Variants in ZNF778 observed in about 807,000 individuals in gnomAD.
ZNF778 encodes zinc finger protein 778.
Under a neutral mutation model 23.9 loss-of-function variants are expected in ZNF778, and 37 were observed. The ratio of observed to expected loss-of-function variants is 1.54; its 90% CI spans 1.19 to 2.03. The LOEUF (loss-of-function observed/expected upper bound fraction) is 2.03, where lower values mean the gene tolerates loss of function less well. ZNF778 is among the 30% of genes most tolerant of loss of function. ZNF778 has a pLI of 0.00. For synonymous variants in ZNF778, 483 were observed against 343.9 expected (o/e 1.40, Z -4.48); for missense variants, 1,297 against 934.4 (o/e 1.39, Z -5.06).
rs138019792 is a variant in ZNF778, at chr16:89,227,013, C to T, written c.725C>T (p.Ala242Val). The T allele has an allele frequency of 1.1e-4, 175 of 1,613,966 alleles. No individual in the cohort carries two copies. The African/African-American group carries it at 1.8e-3, about 17-fold the overall frequency. ...EVFLNQSYLQARAGSHNGEET... is the reference protein window; with the variant it reads ...EVFLNQSYLQVRAGSHNGEET... ...TTCCTTAATCAGTCATACCTTCAGG[C>T]ACGTGCGGGAAGTCACAACGGAGAA... Residue 242 changes from alanine to valine, a missense_variant, in exon 7 of 7, where the codon GCA becomes GTA. Ala to Val is a moderately conservative substitution (Grantham distance 64). Transcript: ENST00000433976.
intron 4 of ZNF778, among the ~76,000 whole-genome samples, chr16:89,224,251 C>G (rs575596460): frequency 6.6e-6 from 1 of 151,996 alleles, no homozygotes; most frequent in South Asian, 2.1e-4. Context: ...CTCTGGGATG[C>G]TGGACGCAGT....
intron 6 of ZNF778, 107 bp downstream of exon 6, chr16:89,225,738 C>T: frequency 9.7e-7 from 1 of 1,034,402 alleles, no homozygotes; most frequent in African/African-American, 1.6e-5. Context: ...GCAGGATTCA[C>T]TCAGGCAGGG....
chr16:89,230,110 C>T lies in ZNF778; in HGVS notation c.*1548C>T. 3.6e-6 allele frequency: 3 copies of T among 827,248 alleles called. No individual in the cohort carries two copies. The highest frequency in any genetic ancestry group is 4.4e-6 in the Non-Finnish European group (3 of 686,546). 51.2% of individuals were successfully genotyped at this position (827,248 alleles called of 1,614,324 possible). A position where few individuals can be genotyped will look rare whatever the true frequency, so the allele number is the denominator to read the frequency against. Reference sequence around the variant, plus strand: ...TTAGGCATGACCCACCTGTAGGGTCCCACACTGGCCAATGTTGGGGCATAA... The same window carrying T: ...TTAGGCATGACCCACCTGTAGGGTCTCACACTGGCCAATGTTGGGGCATAA... On this transcript the variant is annotated 3_prime_UTR_variant, in exon 7 of 7. Transcript: ENST00000433976.
In ZNF778 at chr16:89,227,211, C is replaced by T; in HGVS notation, c.923C>T (p.Pro308Leu). The T allele has an allele frequency of 1.2e-6, 2 of 1,613,250 alleles. No homozygotes were observed. Among genetic ancestry groups the T allele is most frequent in the Non-Finnish European group, 8.5e-7 (1 of 1,179,290 alleles). ...GRVQVHPGEK[P>L]CELEECGKAS... ...GTGCAAGTCCACCCTGGGGAAAAGCCCTGTGAATTGGAAGAATGTGGAAAA... is the reference window on the plus strand; with the variant it reads ...GTGCAAGTCCACCCTGGGGAAAAGCTCTGTGAATTGGAAGAATGTGGAAAA... Residue 308 changes from proline to leucine, a missense_variant, in exon 7 of 7, where the codon CCC becomes CTC. Transcript: ENST00000433976.
chr16:89,233,990 C>G lies in ZNF778; in HGVS notation c.*5428C>G, dbSNP rs1393015854. 1 of 1,210,792 alleles carries G rather than the reference C, an allele frequency of 8.3e-7. No homozygotes were observed. Among genetic ancestry groups the G allele is most frequent in the African/African-American group, 1.6e-5 (1 of 64,380 alleles). 75.0% of individuals were successfully genotyped at this position (1,210,792 alleles called of 1,614,324 possible). A position where few individuals can be genotyped will look rare whatever the true frequency, so the allele number is the denominator to read the frequency against. On this transcript the variant is annotated 3_prime_UTR_variant, in exon 7 of 7. Transcript: ENST00000433976. ...CTAGCCAGCCCCAGACTTCATCCTG[C>G]CCTGTCCTGCCTTTCCTGTGAAAAC...
In ZNF778 at chr16:89,221,107, C is replaced by A; in HGVS notation, c.-21C>A. On this transcript the variant is annotated 5_prime_UTR_variant, in exon 2 of 7. Transcript: ENST00000433976. ...TGGCTTCAGGAAAGGAGCATTCAGA[C>A]GCTTCCGTCAGCCTCCCAGGATGGC... 1 of 1,565,222 alleles carries A rather than the reference C, an allele frequency of 6.4e-7. No individual in the cohort carries two copies. The highest frequency in any genetic ancestry group is 2.4e-5 in the East Asian group (1 of 42,070).
rs554091800 is a variant in ZNF778 at position 89,229,683 on chromosome 16, C to T, written c.*1121C>T. 23 of 967,678 alleles carry T rather than the reference C, an allele frequency of 2.4e-5. 1 individual carries two copies. Among genetic ancestry groups the T allele is most frequent in the Admixed American group, 2.2e-4 (3 of 13,866 alleles). 59.9% of individuals were successfully genotyped at this position (967,678 alleles called of 1,614,324 possible). A position where few individuals can be genotyped will look rare whatever the true frequency, so the allele number is the denominator to read the frequency against. ...TCCAGATGTGATCCTGCGTGAGCAG[C>T]GTAGGCTCTGGTTGGTTAGTCTTGA... is the stretch of plus-strand genomic sequence containing the variant. On this transcript the variant is annotated 3_prime_UTR_variant, in exon 7 of 7. Coordinates refer to ENST00000433976, the MANE Select transcript of ZNF778 (RefSeq NM_001201407.2).
intron 4 of ZNF778, among the ~76,000 whole-genome samples, chr16:89,224,256 C>T (rs554273930): frequency 6.6e-4 from 100 of 150,866 alleles, no homozygotes; most frequent in Non-Finnish European, 1.1e-3. Context: ...GGATGCTGGA[C>T]GCAGTGGCTC....
At position 89,229,861 on chromosome 16, in the gene ZNF778, A is replaced by T. The variant is rs1225167754; in HGVS notation, c.*1299A>T. On this transcript the variant is annotated 3_prime_UTR_variant, in exon 7 of 7. Transcript: ENST00000433976. ...TGAGCAGCGTAGGCTCTGGTTGGTT[A>T]GTCTTGAGGATCCAGATGTGATCCT... The T allele has an allele frequency of 2.0e-6, 2 of 981,776 alleles. No individual in the cohort carries two copies. Among genetic ancestry groups the T allele is most frequent in the Non-Finnish European group, 2.4e-6 (2 of 828,730 alleles). 60.8% of individuals were successfully genotyped at this position (981,776 alleles called of 1,614,324 possible).
At chr16:89,223,515 T>C (rs1196462095) in intron 4 of ZNF778, among the ~76,000 whole-genome samples, 1 of 152,134 alleles carries the variant, frequency 6.6e-6, no homozygotes, top group African/African-American at 2.4e-5. Flanking sequence ...CTGGGACACA[T>C]TGGATCAGAA....
rs757035047 is a variant in ZNF778, at chr16:89,228,245, G to T, written c.1957G>T (p.Ala653Ser). ...CTACATATGTAAGGAGTGTGGGAAA[G>T]CCTTTGCTTCCTCCTCACACCTTAT... ...KPYICKECGKAFASSSHLIEH... is the reference protein window; with the variant it reads ...KPYICKECGKSFASSSHLIEH... The change falls in exon 7 of 7, where the codon GCC (alanine) becomes TCC (serine). Residue 653 changes from alanine to serine, a missense_variant. Physicochemically the swap from Ala to Ser is moderately conservative, Grantham distance 99. Transcript: ENST00000433976. 6.2e-7 allele frequency: 1 copy of T among 1,614,024 alleles called. No homozygotes were observed. Among genetic ancestry groups the T allele is most frequent in the South Asian group, 1.1e-5 (1 of 91,082 alleles).
Position 89,228,083 on chromosome 16 carries a change from A to T in ZNF778, c.1795A>T (p.Thr599Ser). ...ATGTAAGGACTGTGGGAAAACATTC[A>T]CTGTTTCTTCGAGCCTAACCGAGCA... is the stretch of plus-strand genomic sequence containing the variant. The part of the protein sequence containing the change: ...YECKDCGKTF[T>S]VSSSLTEHIR... The change falls in exon 7 of 7, where the codon ACT becomes TCT. Residue 599 changes from threonine to serine, a missense_variant. Transcript: ENST00000433976. The T allele has an allele frequency of 1.2e-6, 2 of 1,612,752 alleles. No individual in the cohort carries two copies. The highest frequency in any genetic ancestry group is 2.2e-5 in the East Asian group (1 of 44,806).
At position 89,221,074 on chromosome 16, in the gene ZNF778, A is replaced by G. The variant is rs1223832350; in HGVS notation, c.-54A>G. The G allele has an allele frequency of 8.4e-6, 13 of 1,554,062 alleles. No individual in the cohort carries two copies. Among genetic ancestry groups the G allele is most frequent in the East Asian group, 4.8e-5 (2 of 41,328 alleles). ...CACATAGATTCACAAGCTGCCCTGC[A>G]GTGGCCTTGGCTTCAGGAAAGGAGC... On this transcript the variant is annotated 5_prime_UTR_variant, in exon 2 of 7. Transcript: ENST00000433976.
chr16:89,227,883 C>T lies in ZNF778; in HGVS notation c.1595C>T (p.Pro532Leu). ...KHMRTHTGEK[P>L]YECKDCGKAY... ...ATGCGGACACACACCGGGGAGAAGC[C>T]CTATGAATGTAAGGACTGTGGGAAA... is the stretch of plus-strand genomic sequence containing the variant. The change falls in exon 7 of 7, where the codon CCC becomes CTC. Residue 532 changes from proline (P) to leucine (L), a missense_variant. Physicochemically the swap from Pro to Leu is moderately conservative, Grantham distance 98. Coordinates refer to ENST00000433976, the MANE Select transcript of ZNF778 (RefSeq NM_001201407.2). The T allele has an allele frequency of 6.2e-7, 1 of 1,614,090 alleles. No individual in the cohort carries two copies. Among genetic ancestry groups the T allele is most frequent in the Non-Finnish European group, 8.5e-7 (1 of 1,180,002 alleles).
intron 6 of ZNF778, 30 bp from the exon 7 acceptor site, chr16:89,226,664 C>T (rs774991249): frequency 8.9e-6 from 14 of 1,577,162 alleles, no homozygotes; most frequent in Non-Finnish European, 1.2e-5. Context: ...CTCAGTAACC[C>T]CCTGACCACC....
rs1251447266 is a variant in ZNF778 at position 89,221,122 on chromosome 16, C to G, written c.-6C>G. 3 of 1,567,758 alleles carry G rather than the reference C, an allele frequency of 1.9e-6. No homozygotes were observed. Among genetic ancestry groups the G allele is most frequent in the Admixed American group, 1.9e-5 (1 of 53,344 alleles). On this transcript the variant is annotated 5_prime_UTR_variant, in exon 2 of 7. Transcript: ENST00000433976. ...AGCATTCAGACGCTTCCGTCAGCCT[C>G]CCAGGATGGCAGCCCCTGACCTGGC...
At chr16:89,226,177 T>G (rs549044278) in intron 6 of ZNF778, among the ~76,000 whole-genome samples, 24 of 152,208 alleles carry the variant, frequency 1.6e-4, no homozygotes, top group African/African-American at 5.8e-4. Flanking sequence ...CCCAAAGTAC[T>G]GGGATTACAG....
Position 89,222,082 on chromosome 16 carries a change from T to C in ZNF778, c.26-10T>C. 6.3e-7 allele frequency: 1 copy of C among 1,584,928 alleles called. No homozygotes were observed. Among genetic ancestry groups the C allele is most frequent in the Non-Finnish European group, 8.6e-7 (1 of 1,160,694 alleles). On this transcript the variant is annotated splice_polypyrimidine_tract_variant and intron_variant, in intron 2 of 6. Coordinates refer to ENST00000433976, the MANE Select transcript of ZNF778 (RefSeq NM_001201407.2). ...GGTTCTCATGCCTTCTTGCCTTCTT[T>C]GTTTTTTAGGAGGTCATGTTTCTAG...
chr16:89,225,678 A>G, intron 6 of ZNF778, 47 bp downstream of exon 6: 1 of 1,522,128 alleles, frequency 6.6e-7, no homozygotes, highest in Non-Finnish European at 9.0e-7. Flanking sequence ...CTCATAAAAG[A>G]TTGGGAATTC....
Sources: allele counts gnomAD v4.1 joint callset (sites outside exome capture counted in the v4.1 genomes callset), GRCh38; gene constraint gnomAD v4.1.1; transcripts MANE v1.5; gene names NCBI Gene and HGNC (gene_info 2026-07-23, HGNC 2026-07-21).